Variants in THSD7A observed in about 807,000 individuals in gnomAD.
The protein encoded by THSD7A is thrombospondin type-1 domain-containing protein 7A.
THSD7A carries 96 observed loss-of-function variants against 231.3 expected under a neutral mutation model. That is an observed-to-expected ratio of 0.41 (90% CI 0.35 to 0.49). The LOEUF is 0.49. THSD7A is among the 20% of genes least tolerant of loss of function. The pLI is 0.05. For synonymous variants in THSD7A, 940 were observed against 743.3 expected (o/e 1.26, Z -4.30); for missense variants, 2,290 against 2,070.2 (o/e 1.11, Z -2.06).
chr7:11,706,372 T>G (rs1460135754), intron 1 of THSD7A, among the ~76,000 whole-genome samples: 1 of 150,772 alleles, frequency 6.6e-6, no homozygotes, highest in Non-Finnish European at 1.5e-5. Context: ...ACATTGAATT[T>G]GCAAGTGGCA....
Position 11,692,225 on chromosome 7 carries a change from T to C in THSD7A, c.191-55264A>G, listed in dbSNP as rs574295566. Among the ~76,000 whole-genome samples, 6 of 151,672 alleles carry C rather than the reference T, an allele frequency of 4.0e-5. 1 individual carries two copies. Among genetic ancestry groups the C allele is most frequent in the African/African-American group, 1.4e-4 (6 of 41,486 alleles). On this transcript the variant is annotated intron_variant, in intron 1 of 27. Transcript: ENST00000423059. Reference sequence around the variant, plus strand: ...GCCTGAAAACATTCAGGTATTTGGATTGGGCATAATTACAGTCCTAACAGA... The same window carrying C: ...GCCTGAAAACATTCAGGTATTTGGACTGGGCATAATTACAGTCCTAACAGA...
At chr7:11,470,754 A>G (rs1163822874) in intron 8 of THSD7A, among the ~76,000 whole-genome samples, 1 of 151,906 alleles carries the variant, frequency 6.6e-6, no homozygotes, top group Non-Finnish European at 1.5e-5. Flanking sequence ...AGAAAACTAA[A>G]ATACTGTATT....
chr7:11,525,106 T>G (rs1157225096), intron 6 of THSD7A, among the ~76,000 whole-genome samples: 1 of 152,158 alleles, frequency 6.6e-6, no homozygotes, highest in Non-Finnish European at 1.5e-5. Flanking sequence ...AGCAAATCCA[T>G]TTTTAAATGC....
In THSD7A at chr7:11,782,127, A is replaced by C. The variant is rs77130285; in HGVS notation, c.190+49630T>G. Among the ~76,000 whole-genome samples, 523 of 152,302 alleles carry C rather than the reference A, an allele frequency of 3.4e-3. 11 individuals carry two copies. The East Asian group carries it at 0.066, about 19-fold the overall frequency. On this transcript the variant is annotated intron_variant, in intron 1 of 27. Transcript: ENST00000423059. ...TATAAAGTTGTAATGTAATTTTTTT[A>C]AAAAAGAAACTAAAACCGTATTTAT...
chr7:11,675,157 G>T (rs1647427804), intron 1 of THSD7A, among the ~76,000 whole-genome samples: 2 of 152,054 alleles, frequency 1.3e-5, no homozygotes, highest in African/African-American at 4.8e-5. Context: ...CCCAGGAAGT[G>T]CAAGGGGTCA....
rs1215710464 is a variant in THSD7A at position 11,412,673 on chromosome 7, T to C, written c.3665A>G (p.Tyr1222Cys). The C allele has an allele frequency of 6.2e-7, 1 of 1,613,712 alleles. No individual in the cohort carries two copies. Among genetic ancestry groups the C allele is most frequent in the East Asian group, 2.2e-5 (1 of 44,886 alleles). Reference sequence around the variant, plus strand: ...CCATGTACCTGTTACATTATAATCATAGTGGTAGCAGTTTTTGTTCAGGTT... The same window carrying C: ...CCATGTACCTGTTACATTATAATCACAGTGGTAGCAGTTTTTGTTCAGGTT... ...PCNLNKNCYH[Y>C]DYNVTDWSTC... Residue 1222 changes from tyrosine (Y) to cysteine (C), a missense_variant, in exon 18 of 28, where the codon TAT (tyrosine) becomes TGT (cysteine). Transcript: ENST00000423059.
At chr7:11,731,387 T>C (rs914520110) in intron 1 of THSD7A, among the ~76,000 whole-genome samples, 2 of 151,644 alleles carry the variant, frequency 1.3e-5, no homozygotes, top group African/African-American at 4.8e-5. Context: ...TAAGGTCTTA[T>C]TAACTTGGAA....
At chr7:11,648,911 C>A (rs1782388442) in intron 1 of THSD7A, among the ~76,000 whole-genome samples, 1 of 151,844 alleles carries the variant, frequency 6.6e-6, no homozygotes, top group South Asian at 2.1e-4. Flanking sequence ...TTTCCAAGTG[C>A]CGTGTATGAT....
intron 2 of THSD7A, among the ~76,000 whole-genome samples, chr7:11,604,661 C>T (rs575723471): frequency 1.3e-5 from 2 of 152,192 alleles, no homozygotes; most frequent in South Asian, 2.1e-4. Context: ...TCAAACTATT[C>T]AGATGTTTCT....
chr7:11,562,530 A>T (rs114055212), intron 4 of THSD7A, among the ~76,000 whole-genome samples: 1 of 152,094 alleles, frequency 6.6e-6, no homozygotes, highest in South Asian at 2.1e-4. Flanking sequence ...TTCTTAAATT[A>T]GCATTTTATT....
chr7:11,515,167 T>G (rs1787979838), intron 6 of THSD7A, among the ~76,000 whole-genome samples: 4 of 152,180 alleles, frequency 2.6e-5, no homozygotes, highest in African/African-American at 7.2e-5. Flanking sequence ...AATGGAAACA[T>G]TTCACTATGA....
In THSD7A at chr7:11,636,321, G is replaced by T. The variant is rs377308966; in HGVS notation, c.831C>A (p.Arg277=). 1.9e-6 allele frequency: 3 copies of T among 1,613,494 alleles called. No homozygotes were observed. The highest frequency in any genetic ancestry group is 1.7e-6 in the Non-Finnish European group (2 of 1,179,840). The change falls in exon 2 of 28, where the codon CGC becomes CGA. Residue 277 remains arginine, a synonymous_variant. Transcript: ENST00000423059. This position sits in a 1 kb window ranked among gnomAD's most constrained non-coding sequence, Gnocchi z 10.0. ...CCTTTTCCCGTTCTTTATTCTTCCC[G>T]CGTCTCCTTGCTTGTCTTACTTGTC... ...HSRQVRQARR[R]GKNKEREKDR...
Position 11,376,832 on chromosome 7 carries a change from G to A in THSD7A, c.4802-175C>T, listed in dbSNP as rs189188913. On this transcript the variant is annotated intron_variant, in intron 26 of 27. Transcript: ENST00000423059. Reference sequence around the variant, plus strand: ...AAGCTGCTATTATGAGTTAGATTCTGCTTCATTAAAGATAAGCTATCAAGG... The same window carrying A: ...AAGCTGCTATTATGAGTTAGATTCTACTTCATTAAAGATAAGCTATCAAGG... 5.3e-5 allele frequency among the ~76,000 whole-genome samples: 8 copies of A among 152,108 alleles called. No homozygotes were observed. In the East Asian group the frequency reaches 9.6e-4, roughly 18 times the overall value.
Position 11,411,306 on chromosome 7 carries a change from C to T in THSD7A, c.3699G>A (p.Gln1233=), listed in dbSNP as rs1394048927. 3.1e-6 allele frequency: 5 copies of T among 1,613,232 alleles called. No individual in the cohort carries two copies. The highest frequency in any genetic ancestry group is 1.3e-5 in the African/African-American group (1 of 74,896). ...DYNVTDWSTC[Q]LSEKAVCGNG... ...TTCCACAAACTGCCTTCTCACTCAGCTGACATGTACTCCAGTCTGAAAAAA... is the reference window on the plus strand; with the variant it reads ...TTCCACAAACTGCCTTCTCACTCAGTTGACATGTACTCCAGTCTGAAAAAA... Residue 1233 remains glutamine (Q), a synonymous_variant, in exon 19 of 28, where the codon CAG becomes CAA. Transcript: ENST00000423059. The surrounding 1 kb of genome is among the most constrained non-coding windows in gnomAD (Gnocchi z 4.1).
intron 6 of THSD7A, among the ~76,000 whole-genome samples, chr7:11,509,322 A>G (rs1454676050): frequency 6.6e-6 from 1 of 152,150 alleles, no homozygotes; most frequent in African/African-American, 2.4e-5. Flanking sequence ...AGACACAATA[A>G]CTGACTTATA....
Position 11,814,195 on chromosome 7 carries a change from T to C in THSD7A, c.190+17562A>G, listed in dbSNP as rs1784614072. Among the ~76,000 whole-genome samples the C allele has an allele frequency of 6.6e-6, 1 of 152,162 alleles. No individual in the cohort carries two copies. The highest frequency in any genetic ancestry group is 1.5e-5 in the Non-Finnish European group (1 of 68,036). On this transcript the variant is annotated intron_variant, in intron 1 of 27. Transcript: ENST00000423059. The surrounding 1 kb of genome is among the most constrained non-coding windows in gnomAD (Gnocchi z 5.1). The stretch of plus-strand genomic sequence containing the variant: ...GGTAATGAAAATGTTCTTGAATTGA[T>C]TGTGGTAATGGATGCACAAGTCTGT...
At chr7:11,777,517 T>G (rs1044307776) in intron 1 of THSD7A, among the ~76,000 whole-genome samples, 1 of 151,970 alleles carries the variant, frequency 6.6e-6, no homozygotes, top group African/African-American at 2.4e-5. Context: ...AAATGCATTT[T>G]AATATAATTC....
intron 1 of THSD7A, among the ~76,000 whole-genome samples, chr7:11,725,462 AG>A (rs1781515506): frequency 6.6e-6 from 1 of 151,994 alleles, no homozygotes; most frequent in African/African-American, 2.4e-5. Flanking sequence ...TTTGAATGGT[AG>A]TGAATCTGCT....
At chr7:11,575,838 A>G (rs1790877015) in intron 4 of THSD7A, among the ~76,000 whole-genome samples, 2 of 152,224 alleles carry the variant, frequency 1.3e-5, no homozygotes, top group Admixed American at 6.5e-5. Flanking sequence ...TGCTTAAAGA[A>G]AAAGCTTCCT....
Sources: allele counts gnomAD v4.1 joint callset (sites outside exome capture counted in the v4.1 genomes callset), GRCh38; gene constraint gnomAD v4.1.1; non-coding constraint Gnocchi (gnomAD v3.1); transcripts MANE v1.5; gene names NCBI Gene and HGNC (gene_info 2026-07-23, HGNC 2026-07-21).